PEAK1: variants seen among roughly 807,000 people sequenced by gnomAD.
PEAK1 encodes the protein pseudopodium enriched atypical kinase 1, also known as inactive tyrosine-protein kinase PEAK1.
Under a neutral mutation model 124.7 loss-of-function variants are expected in PEAK1, and 54 were observed. The ratio of observed to expected loss-of-function variants is 0.43; its 90% CI spans 0.35 to 0.54. PEAK1 has a LOEUF of 0.54. Among genes scored for constraint, PEAK1 ranks in the 20% least tolerant of loss-of-function variants. The pLI, the probability that PEAK1 is intolerant of heterozygous loss-of-function variation, is 0.01. For synonymous variants in PEAK1, 719 were observed against 760.0 expected, an observed-to-expected ratio of 0.95 and a Z score of 0.89; for missense variants, 2,046 against 2,134.5, an observed-to-expected ratio of 0.96 and a Z score of 0.82.
At chr15:77,262,874 G>C (rs2061515108) in intron 5 of PEAK1, among the ~76,000 whole-genome samples, 1 of 152,232 alleles carries the variant, frequency 6.6e-6, no homozygotes, top group Non-Finnish European at 1.5e-5. Context: ...CTCAGCAAAT[G>C]TAAAAGAACA....
intron 1 of PEAK1, among the ~76,000 whole-genome samples, chr15:77,389,945 AATG>A (rs575376778): frequency 3.3e-5 from 5 of 152,212 alleles, no homozygotes; most frequent in Admixed American, 6.5e-5. Context: ...TTTGAAACAG[AATG>A]ATGATAATGA....
intron 1 of PEAK1, chr15:77,418,409 CT>C: frequency 5.1e-6 from 5 of 985,358 alleles, no homozygotes; most frequent in Non-Finnish European, 6.0e-6. Context: ...AAATATTTCC[CT>C]TTCCCCCCCG....
At chr15:77,309,160 G>A (rs1331557922) in intron 2 of PEAK1, among the ~76,000 whole-genome samples, 1 of 152,046 alleles carries the variant, frequency 6.6e-6, no homozygotes, top group African/African-American at 2.4e-5. Context: ...GAACAAGTTT[G>A]TGCCATTACC....
chr15:77,265,512 C>T (rs992171310), intron 5 of PEAK1, among the ~76,000 whole-genome samples: 64 of 152,172 alleles, frequency 4.2e-4, no homozygotes, highest in African/African-American at 1.2e-3. Flanking sequence ...AAAATGCTCA[C>T]CATCACTGGC....
At position 77,415,763 on chromosome 15, in the gene PEAK1, C is replaced by T. The variant is rs979933054; in HGVS notation, c.-666+4243G>A. ...TACTTAAGACCAACTTCTCTGCCTA[C>T]GCCCTGGATCCCATTCCTTATTACC... On this transcript the variant is annotated intron_variant, in intron 1 of 9. Transcript: ENST00000682557. Among the ~76,000 whole-genome samples the T allele has an allele frequency of 1.3e-4, 20 of 152,142 alleles. No individual in the cohort carries two copies. In the East Asian group the frequency reaches 1.3e-3, roughly 10 times the overall value.
intron 8 of PEAK1, among the ~76,000 whole-genome samples, chr15:77,153,059 G>T (rs2054796534): frequency 6.6e-6 from 1 of 152,124 alleles, no homozygotes; most frequent in East Asian, 1.9e-4. Context: ...GTTTCAGAAG[G>T]AATGGTACCA....
chr15:77,217,005 C>T (rs187338914), intron 6 of PEAK1, among the ~76,000 whole-genome samples: 6 of 151,928 alleles, frequency 3.9e-5, no homozygotes, highest in East Asian at 1.9e-4. Flanking sequence ...GAGGCTGAAG[C>T]GGATCATTTG....
In PEAK1 at chr15:77,114,620, A is replaced by T. The variant is rs1180625905; in HGVS notation, c.4777T>A (p.Phe1593Ile). The part of the protein sequence containing the change: ...TATQYKKCDE[F>I]QTGILIYEML... ...TCATAGATGAGGATGCCTGTCTGGA[A>T]CTCATCACACTTTTTATACTGGGTA... is the stretch of plus-strand genomic sequence containing the variant. Residue 1593 changes from phenylalanine to isoleucine, a missense_variant, in exon 10 of 10, where the codon TTC (phenylalanine) becomes ATC (isoleucine). Transcript: ENST00000682557. The T allele has an allele frequency of 6.2e-7, 1 of 1,613,506 alleles. No homozygotes were observed. Among genetic ancestry groups the T allele is most frequent in the South Asian group, 1.1e-5 (1 of 91,038 alleles).
At chr15:77,337,346 T>A in intron 2 of PEAK1, 1 of 958,084 alleles carries the variant, frequency 1.0e-6, no homozygotes. Flanking sequence ...GGAGAAACCA[T>A]CAGTGAATAT....
chr15:77,174,497 C>T (rs889747259), intron 7 of PEAK1, among the ~76,000 whole-genome samples: 41 of 151,962 alleles, frequency 2.7e-4, no homozygotes, highest in African/African-American at 9.9e-4. Context: ...AATGGTGTAT[C>T]CAAGTAAATG....
At chr15:77,377,124 C>A (rs1481678745) in intron 1 of PEAK1, among the ~76,000 whole-genome samples, 1 of 152,112 alleles carries the variant, frequency 6.6e-6, no homozygotes, top group Non-Finnish European at 1.5e-5. Context: ...GTGGCTCATG[C>A]CTGTAATCCC....
At chr15:77,201,110 A>T (rs1266600039) in intron 6 of PEAK1, among the ~76,000 whole-genome samples, 2 of 152,106 alleles carry the variant, frequency 1.3e-5, no homozygotes, top group Non-Finnish European at 2.9e-5. Flanking sequence ...GCAACTCAAG[A>T]CTAATGTTAT....
rs190384069 is a variant in PEAK1 at position 77,165,922 on chromosome 15, G to A, written c.3138-7226C>T. ...TGAATAGATACCATGCAACTCTAAC[G>A]TAAATGTTCCTTCCACCACACTGTT... On this transcript the variant is annotated intron_variant, in intron 7 of 9. Coordinates refer to ENST00000682557, the MANE Select transcript of PEAK1 (RefSeq NM_001385026.1). Among the ~76,000 whole-genome samples the A allele has an allele frequency of 3.2e-4, 48 of 152,276 alleles. No individual in the cohort carries two copies. The East Asian group carries it at 8.1e-3, about 26-fold the overall frequency.
At chr15:77,416,286 C>G (rs765341509) in intron 1 of PEAK1, among the ~76,000 whole-genome samples, 9 of 152,178 alleles carry the variant, frequency 5.9e-5, no homozygotes, top group African/African-American at 2.2e-4. Context: ...ATCTACTCAG[C>G]GGATCACAAC....
chr15:77,278,514 T>G, intron 5 of PEAK1: 1 of 495,022 alleles, frequency 2.0e-6, no homozygotes. Flanking sequence ...AAAGCCAAAG[T>G]GAGGGACAAA....
chr15:77,114,938 C>A lies in PEAK1; in HGVS notation c.4459G>T (p.Asp1487Tyr). 1 of 1,614,080 alleles carries A rather than the reference C, an allele frequency of 6.2e-7. No individual in the cohort carries two copies. The highest frequency in any genetic ancestry group is 8.5e-7 in the Non-Finnish European group (1 of 1,180,018). The change falls in exon 10 of 10, where the codon GAT becomes TAT. Residue 1487 changes from aspartate (D) to tyrosine (Y), a missense_variant. Transcript: ENST00000682557. ...AGACACACCTGCCTCTCATACAAAT[C>A]AGGGCTTTTCCCATGCTGGGCCAGA... Reference protein sequence around the residue: ...DSLAQHGKSPDLYERQVCLLL... With the variant: ...DSLAQHGKSPYLYERQVCLLL...
intron 6 of PEAK1, among the ~76,000 whole-genome samples, chr15:77,193,430 T>G (rs1255472135): frequency 6.6e-6 from 1 of 152,208 alleles, no homozygotes; most frequent in African/African-American, 2.4e-5. Context: ...GCTGCCTTAT[T>G]TGTATATCCC....
Position 77,181,936 on chromosome 15 carries a change from T to C in PEAK1, c.-10A>G, listed in dbSNP as rs779299489. The stretch of plus-strand genomic sequence containing the variant: ...TGTTACAAGCAGACATTTTTAAAAA[T>C]AGAACTTCACAGACAATGCTTTTCT... On this transcript the variant is annotated 5_prime_UTR_variant, in exon 7 of 10. Coordinates refer to ENST00000682557, the MANE Select transcript of PEAK1 (RefSeq NM_001385026.1). 3.3e-6 allele frequency: 5 copies of C among 1,536,778 alleles called. No individual in the cohort carries two copies. Among genetic ancestry groups the C allele is most frequent in the South Asian group, 1.3e-5 (1 of 77,750 alleles).
intron 7 of PEAK1, among the ~76,000 whole-genome samples, chr15:77,171,364 G>C (rs1266866328): frequency 6.6e-6 from 1 of 151,990 alleles, no homozygotes; most frequent in African/African-American, 2.4e-5. Flanking sequence ...AAAAAAACTT[G>C]TTTTGTGGCA....
Sources: gnomAD v4.1 joint callset for allele counts (sites outside exome capture counted in the v4.1 genomes callset) on GRCh38, gnomAD v4.1.1 for gene constraint, MANE v1.5 for transcripts, NCBI Gene and HGNC (gene_info 2026-07-23, HGNC 2026-07-21) for gene names.